ENPP1: variants seen among roughly 807,000 people sequenced by gnomAD.
ENPP1 encodes the protein ectonucleotide pyrophosphatase/phosphodiesterase family member 1.
Under a neutral mutation model 122.8 loss-of-function variants are expected in ENPP1, and 73 were observed. The observed-to-expected ratio is 0.59, with a 90% confidence interval of 0.49 to 0.72. ENPP1 has a LOEUF of 0.72. ENPP1 is among the 30% of genes least tolerant of loss of function. The pLI, the probability that ENPP1 is intolerant of heterozygous loss-of-function variation, is 0.00. For synonymous variants in ENPP1, 367 were observed against 391.6 expected (o/e 0.94, Z 0.74); for missense variants, 978 against 1,128.1 (o/e 0.87, Z 1.91).
rs539454200 is a variant in ENPP1, at chr6:131,828,652, C to T, written c.241-19124C>T. Among the ~76,000 whole-genome samples, 9 of 152,220 alleles carry T rather than the reference C, an allele frequency of 5.9e-5. No individual in the cohort carries two copies. The East Asian group carries it at 1.4e-3, about 23-fold the overall frequency. On this transcript the variant is annotated intron_variant, in intron 1 of 24. Coordinates refer to ENST00000647893, the MANE Select transcript of ENPP1 (RefSeq NM_006208.3). Reference sequence around the variant, plus strand: ...GCTAATGAGTGTGGTATTGAAAACACGGGGGTTTCAGTACCTGTGGGCCAT... The same window carrying T: ...GCTAATGAGTGTGGTATTGAAAACATGGGGGTTTCAGTACCTGTGGGCCAT...
At position 131,852,191 on chromosome 6, in the gene ENPP1, A is replaced by G. The variant is rs1781891049; in HGVS notation, c.573A>G (p.Val191=). The G allele has an allele frequency of 6.2e-7, 1 of 1,605,138 alleles. No homozygotes were observed. The change falls in exon 5 of 25, where the codon GTA becomes GTG. Residue 191 remains valine, a synonymous_variant. Coordinates refer to ENST00000647893, the MANE Select transcript of ENPP1 (RefSeq NM_006208.3). ...SSVCQGEKSW[V]EEPCESINEP... ...ATATTTTAGGTGAGAAAAGTTGGGT[A>G]GAAGAACCATGTGAGAGCATTAATG...
At chr6:131,874,834 A>G (rs1269369122) in intron 16 of ENPP1, among the ~76,000 whole-genome samples, 1 of 126,850 alleles carries the variant, frequency 7.9e-6, no homozygotes, top group Non-Finnish European at 1.5e-5. Context: ...TGAGATATAT[A>G]TATATATACA....
At chr6:131,884,842 C>T in intron 22 of ENPP1, 89 bp from the exon 23 acceptor site, 1 of 1,421,862 alleles carries the variant, frequency 7.0e-7, no homozygotes, top group African/African-American at 1.4e-5. Flanking sequence ...ACTATAAATG[C>T]TAATTTTGAA....
At chr6:131,840,997 G>C (rs1389912754) in intron 1 of ENPP1, among the ~76,000 whole-genome samples, 1 of 152,138 alleles carries the variant, frequency 6.6e-6, no homozygotes, top group Non-Finnish European at 1.5e-5. Context: ...GTTATGTAAA[G>C]GGCTTCACAT....
intron 9 of ENPP1, among the ~76,000 whole-genome samples, chr6:131,862,802 C>T (rs1025408683): frequency 3.3e-5 from 5 of 152,214 alleles, no homozygotes; most frequent in Non-Finnish European, 7.3e-5. Context: ...ACTCTTACAG[C>T]TGGAGGCCGC....
intron 1 of ENPP1, among the ~76,000 whole-genome samples, chr6:131,817,701 A>ATCTC (rs146003691): frequency 1.4e-5 from 2 of 141,110 alleles, no homozygotes; most frequent in East Asian, 4.2e-4. Context: ...CCCCATGTCT[A>ATCTC]TCTCTCTCTC....
Position 131,893,184 on chromosome 6 carries a change from A to G in ENPP1, c.*2673A>G, listed in dbSNP as rs777940282. On this transcript the variant is annotated 3_prime_UTR_variant, in exon 25 of 25. Coordinates refer to ENST00000647893, the MANE Select transcript of ENPP1 (RefSeq NM_006208.3). ...TTTTTCCAGCACACAAACATACACA[A>G]TTTAACTCAAAGCATCTTAGCAGAG... 6.6e-6 allele frequency: 1 copy of G among 152,136 alleles called. No individual in the cohort carries two copies. The highest frequency in any genetic ancestry group is 1.9e-4 in the East Asian group (1 of 5,180). 9.4% of individuals were successfully genotyped at this position (152,136 alleles called of 1,614,324 possible). A position where few individuals can be genotyped will look rare whatever the true frequency, so the allele number is the denominator to read the frequency against.
intron 9 of ENPP1, among the ~76,000 whole-genome samples, chr6:131,864,135 C>T (rs1217330760): frequency 6.6e-6 from 1 of 152,164 alleles, no homozygotes; most frequent in African/African-American, 2.4e-5. Flanking sequence ...GTCTGCTCCT[C>T]AGGGGCCTGC....
In ENPP1 at chr6:131,839,322, G is replaced by A. The variant is rs188999843; in HGVS notation, c.241-8454G>A. The stretch of plus-strand genomic sequence containing the variant: ...TCCCCTCTCCCCTTTACCATTCTGT[G>A]TTGATCTTAGACTTTTGTCTTAGGC... On this transcript the variant is annotated intron_variant, in intron 1 of 24. Coordinates refer to ENST00000647893, the MANE Select transcript of ENPP1 (RefSeq NM_006208.3). 3.1e-4 allele frequency among the ~76,000 whole-genome samples: 47 copies of A among 151,122 alleles called. No homozygotes were observed. In the East Asian group the frequency reaches 7.8e-3, roughly 25 times the overall value.
intron 18 of ENPP1, chr6:131,877,657 A>G (rs879492809): frequency 6.5e-6 from 1 of 153,876 alleles, no homozygotes; most frequent in Non-Finnish European, 1.4e-5. Flanking sequence ...CATTATTATA[A>G]AAAGATAAAA....
intron 1 of ENPP1, among the ~76,000 whole-genome samples, chr6:131,808,651 T>G (rs1781312015): frequency 6.6e-6 from 1 of 152,172 alleles, no homozygotes; most frequent in South Asian, 2.1e-4. Context: ...GTTGCTTCTT[T>G]TAGGGGGCTC....
At chr6:131,843,514 A>G (rs1024980158) in intron 1 of ENPP1, among the ~76,000 whole-genome samples, 8 of 152,168 alleles carry the variant, frequency 5.3e-5, no homozygotes, top group Non-Finnish European at 8.8e-5. Flanking sequence ...TTTCCATAGT[A>G]GTTTTCCTGT....
intron 6 of ENPP1, among the ~76,000 whole-genome samples, chr6:131,855,786 C>A (rs1248630686): frequency 6.7e-6 from 1 of 150,140 alleles, no homozygotes; most frequent in Non-Finnish European, 1.5e-5. Flanking sequence ...CCCAATCAGG[C>A]CTTAATTAAG....
intron 23 of ENPP1, among the ~76,000 whole-genome samples, chr6:131,885,380 T>A (rs1174136537): frequency 6.6e-6 from 1 of 152,210 alleles, no homozygotes; most frequent in Admixed American, 6.5e-5. Flanking sequence ...GATCTTAATA[T>A]ATTGTGAGTC....
intron 1 of ENPP1, among the ~76,000 whole-genome samples, chr6:131,840,983 A>T (rs919796023): frequency 1.3e-5 from 2 of 152,086 alleles, no homozygotes; most frequent in African/African-American, 4.8e-5. Context: ...TTTTCATGTG[A>T]CTAGTTATGT....
chr6:131,879,774 A>T (rs918687556), intron 19 of ENPP1, 106 bp from the exon 20 acceptor site: 9 of 1,041,400 alleles, frequency 8.6e-6, no homozygotes, highest in Non-Finnish European at 1.3e-5. Flanking sequence ...GTTAAAAGTA[A>T]ATCTTCAATA....
In ENPP1 at chr6:131,854,889, C is replaced by T. The variant is rs1781925586; in HGVS notation, c.618-37C>T. On this transcript the variant is annotated intron_variant, in intron 5 of 24. Transcript: ENST00000647893. ...CTTCATTGGATATGTCTTGTCTTTG[C>T]TTCTTTAAACATTTTTTTTTCTTTT... 2.1e-6 allele frequency: 3 copies of T among 1,451,262 alleles called. No homozygotes were observed. The South Asian group carries it at 3.4e-5, about 17-fold the overall frequency. The allele number at this position is 1,451,262 out of a possible 1,614,324, so 89.9% of individuals were successfully genotyped here. A position where few individuals can be genotyped will look rare whatever the true frequency, so the allele number is the denominator to read the frequency against.
intron 1 of ENPP1, chr6:131,827,642 G>T: frequency 3.3e-6 from 2 of 612,654 alleles, no homozygotes; most frequent in South Asian, 1.7e-5. Context: ...ATCTGCTTCA[G>T]ATACACACTA....
chr6:131,825,932 T>C (rs905855595), intron 1 of ENPP1: 27 of 455,726 alleles, frequency 5.9e-5, no homozygotes, highest in Non-Finnish European at 1.0e-4. Flanking sequence ...TTTAAAGCCC[T>C]GGAGCATACT....
Sources: allele counts gnomAD v4.1 joint callset (sites outside exome capture counted in the v4.1 genomes callset), GRCh38; gene constraint gnomAD v4.1.1; transcripts MANE v1.5; gene names NCBI Gene and HGNC (gene_info 2026-07-23, HGNC 2026-07-21).